Variants in IGSF11 observed in about 807,000 individuals in gnomAD.
The protein encoded by IGSF11 is immunoglobulin superfamily member 11.
In IGSF11, 22 loss-of-function variants were observed where a neutral mutation model predicts 41.0. The ratio of observed to expected loss-of-function variants is 0.54; its 90% confidence interval spans 0.38 to 0.77. The LOEUF is 0.77. IGSF11 is among the 30% of genes least tolerant of loss of function. The pLI is 0.00. For missense variants in IGSF11, 444 were observed against 530.8 expected, an observed-to-expected ratio of 0.84 and a Z score of 1.61; for synonymous variants, 219 against 201.3, an observed-to-expected ratio of 1.09 and a Z score of -0.74.
At chr3:119,103,092 G>C (rs1046026675) in intron 1 of IGSF11, among the ~76,000 whole-genome samples, 3 of 149,978 alleles carry the variant, frequency 2.0e-5, no homozygotes, top group East Asian at 2.0e-4. Context: ...CCGCCTCCCG[G>C]GTTCATGCCA....
intron 1 of IGSF11, among the ~76,000 whole-genome samples, chr3:119,134,595 C>T (rs1049692166): frequency 1.3e-5 from 2 of 152,278 alleles, no homozygotes; most frequent in Non-Finnish European, 2.9e-5. Flanking sequence ...ACATTCCATG[C>T]TCACAGATAG....
chr3:119,139,430 A>G (rs192760824), intron 1 of IGSF11, among the ~76,000 whole-genome samples: 22 of 152,316 alleles, frequency 1.4e-4, no homozygotes, highest in Admixed American at 1.2e-3. Context: ...TGTAGGAGGT[A>G]CCCGGTGGGA....
chr3:119,124,857 G>T (rs2077381669), intron 1 of IGSF11, among the ~76,000 whole-genome samples: 1 of 152,040 alleles, frequency 6.6e-6, no homozygotes, highest in Non-Finnish European at 1.5e-5. Context: ...CCTCAAGGAG[G>T]TAATAAATAG....
At chr3:119,028,446 T>C (rs1940037278) in intron 1 of IGSF11, among the ~76,000 whole-genome samples, 1 of 152,134 alleles carries the variant, frequency 6.6e-6, no homozygotes, top group Non-Finnish European at 1.5e-5. Context: ...AGTAATTATC[T>C]CTCTTCTTGG....
upstream of IGSF11, among the ~76,000 whole-genome samples, chr3:119,106,310 TTC>T (rs1343870429): frequency 6.6e-6 from 1 of 152,226 alleles, no homozygotes; most frequent in African/African-American, 2.4e-5. Flanking sequence ...TATTCATTCT[TTC>T]TAACTATTTT....
intron 4 of IGSF11, among the ~76,000 whole-genome samples, chr3:118,906,063 G>C (rs1271973274): frequency 6.6e-6 from 1 of 152,094 alleles, no homozygotes; most frequent in Non-Finnish European, 1.5e-5. Flanking sequence ...CTAGTTCTGA[G>C]GAACTGCAAT....
At chr3:119,065,071 T>A (rs1489994628) in intron 1 of IGSF11, among the ~76,000 whole-genome samples, 1 of 152,226 alleles carries the variant, frequency 6.6e-6, no homozygotes. Flanking sequence ...CTGGCCTCTT[T>A]GACTCATACC....
intron 1 of IGSF11, among the ~76,000 whole-genome samples, chr3:119,051,064 T>G (rs771580581): frequency 2.6e-5 from 4 of 151,330 alleles, no homozygotes; most frequent in Non-Finnish European, 4.4e-5. Context: ...AGTTAGTGGG[T>G]GCAGCACACC....
chr3:119,139,138 A>G (rs948931500), intron 1 of IGSF11, among the ~76,000 whole-genome samples: 7 of 152,274 alleles, frequency 4.6e-5, no homozygotes, highest in African/African-American at 1.7e-4. Context: ...CCATAGATAT[A>G]TACACCTACT....
At chr3:118,938,349 T>C (rs1043380995) in intron 1 of IGSF11, among the ~76,000 whole-genome samples, 1 of 152,302 alleles carries the variant, frequency 6.6e-6, no homozygotes, top group Non-Finnish European at 1.5e-5. Context: ...TGCTGCCCCT[T>C]TAGACAAAGC....
chr3:119,048,103 C>T (rs868456110), intron 1 of IGSF11, among the ~76,000 whole-genome samples: 10 of 151,512 alleles, frequency 6.6e-5, no homozygotes, highest in Admixed American at 2.0e-4. Context: ...AAAGCAAGAG[C>T]AAACACATTC....
At position 118,902,466 on chromosome 3, in the gene IGSF11, C is replaced by CCAGGGT; in HGVS notation, c.*53_*54insACCCTG. The CCAGGGT allele has an allele frequency of 1.1e-6, 1 of 878,270 alleles. No homozygotes were observed. The highest frequency in any genetic ancestry group is 1.8e-6 in the Non-Finnish European group (1 of 544,884). 54.4% of individuals were successfully genotyped at this position (878,270 alleles called of 1,614,324 possible). ...CAGCACTCCCCACCCCACCCTCCCC[C>CCAGGGT]TTGTATGAGGGCATTCCATTTATTC... On this transcript the variant is annotated 3_prime_UTR_variant, in exon 7 of 7. Coordinates refer to ENST00000393775, the MANE Select transcript of IGSF11 (RefSeq NM_001015887.3).
chr3:119,013,649 A>G (rs1938378357), intron 1 of IGSF11, among the ~76,000 whole-genome samples: 1 of 152,264 alleles, frequency 6.6e-6, no homozygotes, highest in East Asian at 1.9e-4. Context: ...ACAACAGGAT[A>G]CAAAAGAATT....
At chr3:118,970,003 C>A (rs907343029) in intron 1 of IGSF11, among the ~76,000 whole-genome samples, 4 of 152,136 alleles carry the variant, frequency 2.6e-5, no homozygotes, top group Non-Finnish European at 5.9e-5. Context: ...CTCATCACCC[C>A]CTAAGTTATC....
At chr3:119,045,204 G>T (rs1274233358) in intron 1 of IGSF11, among the ~76,000 whole-genome samples, 1 of 152,212 alleles carries the variant, frequency 6.6e-6, no homozygotes, top group Admixed American at 6.5e-5. Flanking sequence ...ACAGAATATG[G>T]GTGATTTCTG....
chr3:119,074,996 G>A (rs1387774891), intron 1 of IGSF11, among the ~76,000 whole-genome samples: 4 of 151,980 alleles, frequency 2.6e-5, no homozygotes, highest in Non-Finnish European at 4.4e-5. Context: ...AAGGTGAAAC[G>A]AATGAAATGG....
At chr3:119,054,883 A>C (rs1941762689) in intron 1 of IGSF11, among the ~76,000 whole-genome samples, 2 of 147,160 alleles carry the variant, frequency 1.4e-5, no homozygotes, top group South Asian at 4.3e-4. Flanking sequence ...CTGCCTCCTC[A>C]AGTGGGTCCC....
At chr3:118,908,451 A>C (rs1939877535) in intron 4 of IGSF11, among the ~76,000 whole-genome samples, 2 of 152,162 alleles carry the variant, frequency 1.3e-5, no homozygotes, top group African/African-American at 4.8e-5. Flanking sequence ...GAAGAGAGCA[A>C]CTCCAGCAAA....
At chr3:119,014,655 C>A (rs1938492810) in intron 1 of IGSF11, among the ~76,000 whole-genome samples, 1 of 152,188 alleles carries the variant, frequency 6.6e-6, no homozygotes, top group Non-Finnish European at 1.5e-5. Flanking sequence ...TAAACTTTGC[C>A]ACTTACATGC....
Sources: gnomAD v4.1 joint callset for allele counts (sites outside exome capture counted in the v4.1 genomes callset) on GRCh38, gnomAD v4.1.1 for gene constraint, MANE v1.5 for transcripts, NCBI Gene and HGNC (gene_info 2026-07-23, HGNC 2026-07-21) for gene names.